Variants in IL16 observed in about 807,000 individuals in gnomAD.
The protein encoded by IL16 is pro-interleukin-16.
In IL16, 67 loss-of-function variants were observed where a neutral mutation model predicts 110.1. The observed-to-expected ratio is 0.61, with a 90% CI of 0.50 to 0.75. IL16 has a LOEUF of 0.75. Among genes scored for constraint, IL16 ranks in the 30% least tolerant of loss-of-function variants. The pLI, the probability that IL16 is intolerant of heterozygous loss-of-function variation, is 0.00. For synonymous variants in IL16, 689 were observed against 662.9 expected (o/e 1.04, Z -0.61); for missense variants, 1,545 against 1,655.0 (o/e 0.93, Z 1.15).
At chr15:81,212,943 T>A (rs574336560) in intron 1 of IL16, among the ~76,000 whole-genome samples, 1 of 151,972 alleles carries the variant, frequency 6.6e-6, no homozygotes, top group Non-Finnish European at 1.5e-5. Flanking sequence ...AGTTTGTTCT[T>A]TTTTTGTTCT....
At chr15:81,182,966 G>T in intron 1 of IL16, 1 of 968,058 alleles carries the variant, frequency 1.0e-6, no homozygotes, top group Non-Finnish European at 1.4e-6. Flanking sequence ...GACCCTTCCT[G>T]ACATCCTCCC....
chr15:81,285,604 A>C, intron 9 of IL16, 94 bp from the exon 10 acceptor site: 5 of 1,374,308 alleles, frequency 3.6e-6, no homozygotes, highest in Non-Finnish European at 4.0e-6. Flanking sequence ...ATATCTCATC[A>C]AACAGCCCAG....
chr15:81,217,887 TA>T (rs76594653), intron 1 of IL16, among the ~76,000 whole-genome samples: 62 of 152,220 alleles, frequency 4.1e-4, no homozygotes, highest in Non-Finnish European at 3.5e-4. Context: ...CTTAATATGA[TA>T]AAAAAATTAT....
chr15:81,231,405 C>T (rs896995633), intron 2 of IL16, among the ~76,000 whole-genome samples: 1 of 143,366 alleles, frequency 7.0e-6, no homozygotes, highest in Admixed American at 7.3e-5. Flanking sequence ...CAGGGTCTTG[C>T]TTTGTCACCC....
At chr15:81,257,604 G>C (rs1459472043) in intron 2 of IL16, among the ~76,000 whole-genome samples, 4 of 152,158 alleles carry the variant, frequency 2.6e-5, no homozygotes, top group Non-Finnish European at 5.9e-5. Flanking sequence ...ATACCTACTA[G>C]CTCACAGTGG....
At chr15:81,249,010 C>T (rs1185074793) in intron 2 of IL16, among the ~76,000 whole-genome samples, 1 of 152,002 alleles carries the variant, frequency 6.6e-6, no homozygotes, top group African/African-American at 2.4e-5. Flanking sequence ...CAGACATAAG[C>T]CACCGCACCT....
intron 2 of IL16, among the ~76,000 whole-genome samples, chr15:81,257,759 C>T (rs1487061790): frequency 6.6e-6 from 1 of 152,182 alleles, no homozygotes; most frequent in Non-Finnish European, 1.5e-5. Flanking sequence ...AGCCTGGCTT[C>T]TAAGAAATGC....
intron 6 of IL16, among the ~76,000 whole-genome samples, chr15:81,277,458 T>C (rs906652043): frequency 2.0e-5 from 3 of 152,060 alleles, no homozygotes; most frequent in African/African-American, 7.2e-5. Flanking sequence ...CCTTTTTTTT[T>C]TTTTGAGACA....
chr15:81,308,765 G>A lies in IL16; in HGVS notation c.3966G>A (p.Gln1322=), dbSNP rs745821818. The change falls in exon 19 of 19, where the codon CAG becomes CAA. Residue 1322 remains glutamine (Q), a synonymous_variant. Transcript: ENST00000683961. ...VTIVIRRKSL[Q]SKETTAAGDS ...TTGTCATCAGGAGAAAAAGCCTCCA[G>A]TCCAAGGAAACCACAGCTGCTGGAG... 1.2e-6 allele frequency: 2 copies of A among 1,613,836 alleles called. No homozygotes were observed. Among genetic ancestry groups the A allele is most frequent in the East Asian group, 2.2e-5 (1 of 44,876 alleles).
chr15:81,223,213 A>G (rs202055294), intron 1 of IL16, among the ~76,000 whole-genome samples: 2 of 152,066 alleles, frequency 1.3e-5, no homozygotes, highest in Admixed American at 1.3e-4. Flanking sequence ...GGCTGTAGGG[A>G]AAGGAAGCTG....
chr15:81,215,242 G>A (rs1896383055), intron 1 of IL16, among the ~76,000 whole-genome samples: 1 of 152,210 alleles, frequency 6.6e-6, no homozygotes, highest in Non-Finnish European at 1.5e-5. Context: ...CCATCTGCAA[G>A]GGTTAGTGTT....
chr15:81,248,444 G>T (rs902606298), intron 2 of IL16, among the ~76,000 whole-genome samples: 3 of 150,780 alleles, frequency 2.0e-5, no homozygotes, highest in Non-Finnish European at 3.0e-5. Context: ...AATCTGTCTT[G>T]ACAATCTTTG....
intron 1 of IL16, chr15:81,182,920 C>G: frequency 7.8e-7 from 1 of 1,281,538 alleles, no homozygotes; most frequent in Non-Finnish European, 1.0e-6. Context: ...CTTCTCCTAT[C>G]CCAGGGGACT....
intron 1 of IL16, among the ~76,000 whole-genome samples, chr15:81,215,365 T>G (rs1605866): frequency 0.15 from 22,352 of 152,188 alleles, 3,602 homozygotes; most frequent in African/African-American, 0.4. Flanking sequence ...TTGTGTTTGG[T>G]TTCACAGATG....
intron 16 of IL16, 49 bp from the exon 17 acceptor site, chr15:81,305,859 G>A (rs755918261): frequency 6.3e-7 from 1 of 1,597,992 alleles, no homozygotes; most frequent in South Asian, 1.1e-5. Context: ...GCAAGTATGT[G>A]GACTGGACTT....
At chr15:81,263,108 T>C (rs1187654481) in intron 3 of IL16, among the ~76,000 whole-genome samples, 1 of 152,104 alleles carries the variant, frequency 6.6e-6, no homozygotes, top group Non-Finnish European at 1.5e-5. Flanking sequence ...CTGATTTCCT[T>C]AAGTTTTAAT....
intron 2 of IL16, among the ~76,000 whole-genome samples, chr15:81,247,718 C>T (rs982463542): frequency 2.0e-5 from 3 of 152,146 alleles, no homozygotes; most frequent in African/African-American, 4.8e-5. Flanking sequence ...AGTGCTCCCT[C>T]GCCACTAAGA....
chr15:81,209,904 A>T (rs1320008214), intron 1 of IL16, among the ~76,000 whole-genome samples: 1 of 152,198 alleles, frequency 6.6e-6, no homozygotes, highest in South Asian at 2.1e-4. Context: ...TTTTTGTTGC[A>T]ATTGCTTTTG....
chr15:81,270,408 C>T (rs1198198517), intron 5 of IL16, among the ~76,000 whole-genome samples: 1 of 152,140 alleles, frequency 6.6e-6, no homozygotes, highest in Non-Finnish European at 1.5e-5. Flanking sequence ...GAGAGGAGGA[C>T]CTAATTGCTA....
Sources: gnomAD v4.1 joint callset for allele counts (sites outside exome capture counted in the v4.1 genomes callset) on GRCh38, gnomAD v4.1.1 for gene constraint, MANE v1.5 for transcripts, NCBI Gene and HGNC (gene_info 2026-07-23, HGNC 2026-07-21) for gene names.